VWA8: variants seen among roughly 807,000 people sequenced by gnomAD.
VWA8 encodes von Willebrand factor A domain-containing protein 8.
In VWA8, 221 loss-of-function variants were observed where a neutral mutation model predicts 241.5. That is an observed-to-expected ratio of 0.91 (90% confidence interval 0.82 to 1.02). The LOEUF is 1.02. VWA8 is among the 50% of genes least tolerant of loss of function. The probability of loss-of-function intolerance (pLI) is 0.00; values close to 1 mark genes in which losing one functional copy is unlikely to be tolerated. For missense variants in VWA8, 2,322 were observed against 2,328.7 expected, an observed-to-expected ratio of 1.00 and a Z score of 0.06; for synonymous variants, 852 against 827.1, an observed-to-expected ratio of 1.03 and a Z score of -0.52.
intron 42 of VWA8, among the ~76,000 whole-genome samples, chr13:41,578,353 C>T (rs2044363209): frequency 6.6e-6 from 1 of 152,080 alleles, no homozygotes; most frequent in African/African-American, 2.4e-5. Flanking sequence ...GTGACCAAAG[C>T]CAATAAAACG....
At chr13:41,867,071 A>G (rs1873345450) in intron 10 of VWA8, among the ~76,000 whole-genome samples, 1 of 152,236 alleles carries the variant, frequency 6.6e-6, no homozygotes, top group Non-Finnish European at 1.5e-5. Flanking sequence ...ACCTGGTATC[A>G]ACATGGAAAG....
chr13:41,913,056 C>T (rs1876086744), intron 2 of VWA8, among the ~76,000 whole-genome samples: 1 of 152,040 alleles, frequency 6.6e-6, no homozygotes, highest in African/African-American at 2.4e-5. Context: ...AAATATTATA[C>T]AGCAACAAAA....
chr13:41,611,213 A>C (rs1435488499), intron 39 of VWA8, among the ~76,000 whole-genome samples: 1 of 151,876 alleles, frequency 6.6e-6, no homozygotes, highest in Non-Finnish European at 1.5e-5. Flanking sequence ...TTAGCACTTA[A>C]CTCTGTGCAT....
intron 2 of VWA8, among the ~76,000 whole-genome samples, chr13:41,941,662 AAC>A (rs1877604709): frequency 1.3e-5 from 2 of 152,220 alleles, no homozygotes; most frequent in Non-Finnish European, 2.9e-5. Flanking sequence ...CCCCATACTC[AAC>A]AGTGTCACAG....
At chr13:41,665,103 G>A (rs1191750767) in intron 37 of VWA8, among the ~76,000 whole-genome samples, 3 of 152,092 alleles carry the variant, frequency 2.0e-5, no homozygotes, top group Non-Finnish European at 4.4e-5. Flanking sequence ...TATAGATGAT[G>A]AATTATGTAA....
chr13:41,784,680 T>TCTCTTTATACA lies in VWA8; in HGVS notation c.2171-780_2171-779insTGTATAAAGAG, dbSNP rs1869058569. ...CTTGTCTCTCTCTCTCTCTCTCTCT[T>TCTCTTTATACA]TATACATATACATATACATATATAT... On this transcript the variant is annotated intron_variant, in intron 18 of 44. Transcript: ENST00000379310. 5.0e-4 allele frequency among the ~76,000 whole-genome samples: 29 copies of TCTCTTTATACA among 57,626 alleles called. 1 individual carries two copies. Among genetic ancestry groups the TCTCTTTATACA allele is most frequent in the Middle Eastern group, 9.6e-3 (1 of 104 alleles). The allele number at this position is 57,626 out of a possible 152,430, so 37.8% of individuals were successfully genotyped here. A position where few individuals can be genotyped will look rare whatever the true frequency, so the allele number is the denominator to read the frequency against.
intron 20 of VWA8, 30 bp downstream of exon 20, chr13:41,777,955 A>T (rs1332818691): frequency 1.9e-6 from 3 of 1,557,824 alleles, no homozygotes; most frequent in Admixed American, 3.8e-5. Context: ...TCATTTTTTC[A>T]TTGGTACCTA....
chr13:41,732,011 T>A (rs2045487803), intron 22 of VWA8, 69 bp downstream of exon 22: 1 of 1,388,756 alleles, frequency 7.2e-7, no homozygotes, highest in Non-Finnish European at 1.0e-6. Context: ...AGTTCCATCC[T>A]CCAAAAACTG....
intron 9 of VWA8, among the ~76,000 whole-genome samples, chr13:41,870,360 T>A (rs764437294): frequency 7.2e-5 from 11 of 152,008 alleles, no homozygotes; most frequent in Non-Finnish European, 1.6e-4. Context: ...AACAAATGGC[T>A]GGGCGCAAAG....
At chr13:41,947,937 A>G (rs1877929998) in intron 2 of VWA8, among the ~76,000 whole-genome samples, 1 of 145,458 alleles carries the variant, frequency 6.9e-6, no homozygotes, top group Non-Finnish European at 1.5e-5. Context: ...GTCTCAAAAA[A>G]AAAAAAAAAA....
intron 17 of VWA8, among the ~76,000 whole-genome samples, chr13:41,797,973 C>T (rs1001505474): frequency 6.6e-6 from 1 of 152,114 alleles, no homozygotes; most frequent in Non-Finnish European, 1.5e-5. Flanking sequence ...GTTGTGCTGA[C>T]AGGTATAACA....
intron 12 of VWA8, among the ~76,000 whole-genome samples, chr13:41,854,733 T>G (rs1460762810): frequency 6.6e-6 from 1 of 152,088 alleles, no homozygotes; most frequent in Non-Finnish European, 1.5e-5. Context: ...CAGTACAGAA[T>G]GATAAGTGCC....
In VWA8 at chr13:41,856,333, TCAAAA is replaced by T. The variant is rs753676900; in HGVS notation, c.1425+9398_1425+9402del. Among the ~76,000 whole-genome samples, 233 of 151,976 alleles carry T rather than the reference TCAAAA, an allele frequency of 1.5e-3. 2 individuals are homozygous for T. The highest frequency in any genetic ancestry group is 5.4e-3 in the East Asian group (28 of 5,182). The stretch of plus-strand genomic sequence containing the variant: ...TCTGGGTGATAGAGCGAGACTTTGA[TCAAAA>T]CAAAACAAAACAAAACAAAACAAAA... On this transcript the variant is annotated intron_variant, in intron 12 of 44. Coordinates refer to ENST00000379310, the MANE Select transcript of VWA8 (RefSeq NM_015058.2).
At chr13:41,700,397 T>A (rs2045242049) in intron 28 of VWA8, among the ~76,000 whole-genome samples, 1 of 151,988 alleles carries the variant, frequency 6.6e-6, no homozygotes, top group Non-Finnish European at 1.5e-5. Context: ...AAAGACCTAT[T>A]TTTTTAGGAG....
intron 20 of VWA8, among the ~76,000 whole-genome samples, chr13:41,768,197 G>GGGGA (rs1303224372): frequency 6.6e-6 from 1 of 152,162 alleles, no homozygotes; most frequent in African/African-American, 2.4e-5. Context: ...CTACCAGCTG[G>GGGGA]GGGACACAGG....
At chr13:41,823,380 T>C (rs1871043653) in intron 14 of VWA8, among the ~76,000 whole-genome samples, 2 of 152,104 alleles carry the variant, frequency 1.3e-5, no homozygotes, top group African/African-American at 4.8e-5. Context: ...CTGGAGCATA[T>C]ATAAGTACAT....
chr13:41,868,845 G>A (rs1268487005), intron 9 of VWA8, among the ~76,000 whole-genome samples: 8 of 131,952 alleles, frequency 6.1e-5, no homozygotes, highest in Admixed American at 1.8e-4. Context: ...CCGAGATCGC[G>A]CCACTGCACT....
At position 41,841,303 on chromosome 13, in the gene VWA8, T is replaced by G. The variant is rs544656234; in HGVS notation, c.1426-7772A>C. 5.7e-4 allele frequency among the ~76,000 whole-genome samples: 87 copies of G among 152,274 alleles called. 1 individual carries two copies. The South Asian group carries it at 7.3e-3, about 13-fold the overall frequency. On this transcript the variant is annotated intron_variant, in intron 12 of 44. Coordinates refer to ENST00000379310, the MANE Select transcript of VWA8 (RefSeq NM_015058.2). ...TCTAATAAGTCTCAATCATCTTCTT[T>G]GAGAAGAGTTAAAAAGTGTGACTAT...
intron 4 of VWA8, among the ~76,000 whole-genome samples, chr13:41,901,108 A>ATTT (rs34752001): frequency 1.1e-4 from 14 of 123,574 alleles, no homozygotes; most frequent in South Asian, 5.3e-4. Context: ...CATGATCATC[A>ATTT]TTTTTTTTTT....
Sources: allele counts gnomAD v4.1 joint callset (sites outside exome capture counted in the v4.1 genomes callset), GRCh38; gene constraint gnomAD v4.1.1; transcripts MANE v1.5; gene names NCBI Gene and HGNC (gene_info 2026-07-23, HGNC 2026-07-21).